Variants in PCDHA1 observed in about 807,000 individuals in gnomAD.
PCDHA1 encodes protocadherin alpha-1.
A neutral mutation model predicts 61.3 loss-of-function variants in PCDHA1; 42 were observed. The ratio of observed to expected loss-of-function variants is 0.69; its 90% CI spans 0.54 to 0.89. The LOEUF is 0.89. Among genes scored for constraint, PCDHA1 ranks in the 40% least tolerant of loss-of-function variants. PCDHA1 has a pLI of 0.00. For synonymous variants in PCDHA1, 610 were observed against 553.8 expected, an observed-to-expected ratio of 1.10 and a Z score of -1.43; for missense variants, 1,256 against 1,235.3, an observed-to-expected ratio of 1.02 and a Z score of -0.25.
intron 1 of PCDHA1, among the ~76,000 whole-genome samples, chr5:140,961,630 C>A (rs1387087976): frequency 1.3e-5 from 2 of 152,136 alleles, no homozygotes; most frequent in Non-Finnish European, 2.9e-5. Context: ...ATATGAAAAA[C>A]AATCTTAAGT....
At chr5:140,817,834 TTA>T (rs1554127320) in intron 1 of PCDHA1, among the ~76,000 whole-genome samples, 2 of 152,224 alleles carry the variant, frequency 1.3e-5, no homozygotes, top group Non-Finnish European at 2.9e-5. Flanking sequence ...TGTCTTAATT[TTA>T]CTATCACTTT....
intron 1 of PCDHA1, among the ~76,000 whole-genome samples, chr5:140,940,207 G>C (rs1554213216): frequency 2.6e-5 from 4 of 152,094 alleles, no homozygotes; most frequent in Non-Finnish European, 5.9e-5. Context: ...TAAAATTCAA[G>C]ATTGGCATTT....
At chr5:140,935,245 T>A (rs1409133658) in intron 1 of PCDHA1, among the ~76,000 whole-genome samples, 1 of 152,200 alleles carries the variant, frequency 6.6e-6, no homozygotes, top group Non-Finnish European at 1.5e-5. Flanking sequence ...TTTTAAAAGA[T>A]AAAATACATC....
chr5:140,909,787 A>C (rs1299398218), intron 1 of PCDHA1, among the ~76,000 whole-genome samples: 2 of 152,156 alleles, frequency 1.3e-5, no homozygotes, highest in African/African-American at 4.8e-5. Flanking sequence ...ACCCACTCTA[A>C]GTCAGACTTC....
intron 1 of PCDHA1, chr5:140,842,865 G>T (rs146195620): frequency 0.01 from 16,276 of 1,593,984 alleles, 1,624 homozygotes; most frequent in Non-Finnish European, 0.012. Flanking sequence ...ACGGAGAGCG[G>T]CAAGGTGTAC....
In PCDHA1 at chr5:140,863,367, G is replaced by A. The variant is rs782714685; in HGVS notation, c.2394+74683G>A. The A allele has an allele frequency of 1.5e-5, 18 of 1,191,312 alleles. No homozygotes were observed. The East Asian group carries it at 5.3e-4, about 35-fold the overall frequency. The allele number at this position is 1,191,312 out of a possible 1,614,324, so 73.8% of individuals were successfully genotyped here. A position where few individuals can be genotyped will look rare whatever the true frequency, so the allele number is the denominator to read the frequency against. ...TGTACACGACGCTGCGGTGCTTGGC[G>A]CAGCTCACCGAGAGCTCGTGCATGC... is the stretch of plus-strand genomic sequence containing the variant. On this transcript the variant is annotated intron_variant, in intron 1 of 3. Transcript: ENST00000504120.
At chr5:140,877,845 TTATTAA>T in intron 1 of PCDHA1, 3 of 1,555,618 alleles carry the variant, frequency 1.9e-6, no homozygotes, top group Non-Finnish European at 2.6e-6. Context: ...GTGAAGTAAG[TTATTAA>T]TATTATTTAG....
Position 140,850,654 on chromosome 5 carries a change from T to C in PCDHA1, c.2394+61970T>C, listed in dbSNP as rs2150492397. On this transcript the variant is annotated intron_variant, in intron 1 of 3. Coordinates refer to ENST00000504120, the MANE Select transcript of PCDHA1 (RefSeq NM_018900.4). ...GTTCTCACGCTGCTGCTGTACACTG[T>C]GCTGCGGTGCTCGGCGATGCCCACC... The C allele has an allele frequency of 1.6e-5, 25 of 1,598,638 alleles. 2 individuals are homozygous for C. The highest frequency in any genetic ancestry group is 2.1e-5 in the Non-Finnish European group (25 of 1,167,896).
At chr5:140,827,932 A>G (rs148093365) in intron 1 of PCDHA1, 1 of 1,026,324 alleles carries the variant, frequency 9.7e-7, no homozygotes, top group African/African-American at 1.6e-5. Flanking sequence ...CCATGAAGTT[A>G]TAGCTAGCCA....
chr5:140,934,000 A>G (rs2089557025), intron 1 of PCDHA1, among the ~76,000 whole-genome samples: 1 of 151,350 alleles, frequency 6.6e-6, no homozygotes, highest in Non-Finnish European at 1.5e-5. Context: ...GTCACCTCTC[A>G]TTTTTCTTGA....
chr5:140,823,976 G>A (rs1247134130), intron 1 of PCDHA1: 1 of 1,614,034 alleles, frequency 6.2e-7, no homozygotes, highest in Non-Finnish European at 8.5e-7. Context: ...TGCACACGGG[G>A]CAAGCCCACT....
rs373945193 is a variant in PCDHA1 at position 140,807,955 on chromosome 5, T to C, written c.2394+19271T>C. On this transcript the variant is annotated intron_variant, in intron 1 of 3. Transcript: ENST00000504120. ...AGGTGAGATTACTAGAAAATGTTCCTAATGGAACATTGGTAATTAAACTTA... is the reference window on the plus strand; with the variant it reads ...AGGTGAGATTACTAGAAAATGTTCCCAATGGAACATTGGTAATTAAACTTA... 8.1e-6 allele frequency: 13 copies of C among 1,612,616 alleles called. No homozygotes were observed. The African/African-American group carries it at 1.5e-4, about 18-fold the overall frequency.
At chr5:140,947,299 C>T (rs547529076) in intron 1 of PCDHA1, among the ~76,000 whole-genome samples, 1 of 151,554 alleles carries the variant, frequency 6.6e-6, no homozygotes, top group South Asian at 2.1e-4. Context: ...ATTATCTTGA[C>T]ATCTTTGTAA....
chr5:140,993,462 TCACA>T (rs3836747), intron 3 of PCDHA1, among the ~76,000 whole-genome samples: 18,508 of 140,892 alleles, frequency 0.13, 1,341 homozygotes, highest in African/African-American at 0.21. Flanking sequence ...TCTTTCTTTC[TCACA>T]CACACACACA....
rs1396431858 is a variant in PCDHA1, at chr5:141,010,083, T to C, written c.*146T>C. The C allele has an allele frequency of 1.9e-6, 3 of 1,612,132 alleles. No homozygotes were observed. The African/African-American group carries it at 4.0e-5, about 22-fold the overall frequency. On this transcript the variant is annotated 3_prime_UTR_variant, in exon 4 of 4. Coordinates refer to ENST00000504120, the MANE Select transcript of PCDHA1 (RefSeq NM_018900.4). Reference sequence around the variant, plus strand: ...CTGCAGAAAGTTCCCTGTGTCTGTCTAGAACGCATTTAACAGGTTTTGTCG... The same window carrying C: ...CTGCAGAAAGTTCCCTGTGTCTGTCCAGAACGCATTTAACAGGTTTTGTCG...
intron 1 of PCDHA1, chr5:140,802,591 A>T: frequency 6.2e-7 from 1 of 1,613,828 alleles, no homozygotes; most frequent in Non-Finnish European, 8.5e-7. Flanking sequence ...GTGTTCGTGA[A>T]GGAGAACAAC....
chr5:140,987,481 G>T (rs1244029095), intron 3 of PCDHA1, among the ~76,000 whole-genome samples: 1 of 152,170 alleles, frequency 6.6e-6, no homozygotes, highest in Non-Finnish European at 1.5e-5. Flanking sequence ...TTGGGAGTCA[G>T]TGACCCTTTC....
chr5:140,928,585 G>T, intron 1 of PCDHA1: 1 of 1,614,194 alleles, frequency 6.2e-7, no homozygotes, highest in Non-Finnish European at 8.5e-7. Context: ...AAATGGTTCT[G>T]TCCCAGTGGA....
intron 1 of PCDHA1, among the ~76,000 whole-genome samples, chr5:140,916,967 G>A (rs1215722713): frequency 2.6e-5 from 4 of 152,194 alleles, no homozygotes; most frequent in African/African-American, 9.7e-5. Context: ...TGACTGCTGG[G>A]ATGAGTGATT....
Sources: gnomAD v4.1 joint callset for allele counts (sites outside exome capture counted in the v4.1 genomes callset) on GRCh38, gnomAD v4.1.1 for gene constraint, MANE v1.5 for transcripts, NCBI Gene and HGNC (gene_info 2026-07-23, HGNC 2026-07-21) for gene names.